The following LNPEP variants were observed in gnomAD, a reference collection of about 807,000 sequenced individuals.
The protein encoded by LNPEP is leucyl-cystinyl aminopeptidase.
A neutral mutation model predicts 120.6 loss-of-function variants in LNPEP; 64 were observed. The ratio of observed to expected loss-of-function variants is 0.53; its 90% CI spans 0.43 to 0.65. The LOEUF is 0.65. Among genes scored for constraint, LNPEP ranks in the 30% least tolerant of loss-of-function variants. LNPEP has a pLI of 0.00. For missense variants in LNPEP, 1,057 were observed against 1,200.0 expected (o/e 0.88, Z 1.76); for synonymous variants, 435 against 425.4 (o/e 1.02, Z -0.28).
rs1313657389 is a variant in LNPEP, at chr5:96,978,200, A to C, written c.20-938A>C. Among the ~76,000 whole-genome samples the C allele has an allele frequency of 2.6e-5, 4 of 152,226 alleles. No individual in the cohort carries two copies. The East Asian group carries it at 7.7e-4, about 29-fold the overall frequency. On this transcript the variant is annotated intron_variant, in intron 1 of 17. Transcript: ENST00000231368. ...AACATTGAACGATCTAATCCTAGGA[A>C]GTACTGATATATGGGGGATTATCGA...
At position 96,960,160 on chromosome 5, in the gene LNPEP, A is replaced by G. The variant is rs1002973773; in HGVS notation, c.20-18978A>G. Among the ~76,000 whole-genome samples the G allele has an allele frequency of 2.0e-5, 3 of 151,088 alleles. 1 individual carries two copies. In the South Asian group the frequency reaches 6.3e-4, roughly 32 times the overall value. On this transcript the variant is annotated intron_variant, in intron 1 of 17. Transcript: ENST00000231368. ...ACCATGTTGGCCAGGCTGGTCTCGA[A>G]CTCCTGACCTCAGGTGATCCACCTG...
Position 97,003,207 on chromosome 5 carries a change from A to C in LNPEP, c.1654-208A>C, listed in dbSNP as rs558631089. 2.0e-5 allele frequency among the ~76,000 whole-genome samples: 3 copies of C among 152,346 alleles called. No individual in the cohort carries two copies. In the South Asian group the frequency reaches 6.2e-4, roughly 32 times the overall value. The stretch of plus-strand genomic sequence containing the variant: ...TAGTGCACATGGGAATCTACTCATT[A>C]ATTCTTTTTCAAATCCTTTAAAATA... On this transcript the variant is annotated intron_variant, in intron 8 of 17. Transcript: ENST00000231368.
chr5:96,958,258 T>G (rs1000634316), intron 1 of LNPEP, among the ~76,000 whole-genome samples: 1 of 152,196 alleles, frequency 6.6e-6, no homozygotes, highest in African/African-American at 2.4e-5. Context: ...GACTTTCAAT[T>G]TTTTTCCCCA....
intron 16 of LNPEP, among the ~76,000 whole-genome samples, chr5:97,027,449 TTC>T (rs995754276): frequency 5.9e-5 from 9 of 152,182 alleles, no homozygotes; most frequent in Admixed American, 4.6e-4. Context: ...TTTTGCTTCT[TTC>T]TCTCTTTTAA....
At chr5:96,937,790 A>G (rs1561423556) in intron 1 of LNPEP, 2 of 152,252 alleles carry the variant, frequency 1.3e-5, no homozygotes, top group Non-Finnish European at 2.9e-5. Context: ...TTTCTCTTAT[A>G]GAATATGCTT....
rs1284828792 is a variant in LNPEP at position 96,966,508 on chromosome 5, T to TTTTGTG, written c.20-12629_20-12628insTTGTGT. Among the ~76,000 whole-genome samples, 210 of 133,460 alleles carry TTTTGTG rather than the reference T, an allele frequency of 1.6e-3. 1 individual carries two copies. The highest frequency in any genetic ancestry group is 5.4e-3 in the African/African-American group (193 of 35,512). The allele number at this position is 133,460 out of a possible 152,430, so 87.6% of individuals were successfully genotyped here. ...GAGTGAGACTCTGTCTTACATATAT[T>TTTTGTG]TGTGTGTGTGTGTGTGTGTGTGTGT... On this transcript the variant is annotated intron_variant, in intron 1 of 17. Transcript: ENST00000231368.
Position 97,023,403 on chromosome 5 carries a change from G to A in LNPEP, c.2561+919G>A, listed in dbSNP as rs181812811. Among the ~76,000 whole-genome samples the A allele has an allele frequency of 3.0e-3, 449 of 152,022 alleles. 4 individuals are homozygous for A. Among genetic ancestry groups the A allele is most frequent in the Non-Finnish European group, 3.5e-3 (238 of 67,964 alleles). On this transcript the variant is annotated intron_variant, in intron 14 of 17. Transcript: ENST00000231368. Reference sequence around the variant, plus strand: ...GGAGTAGCTGGGATTACAGGCATCCGCCACCACACCTGGCTAATTTTTGTA... The same window carrying A: ...GGAGTAGCTGGGATTACAGGCATCCACCACCACACCTGGCTAATTTTTGTA...
intron 11 of LNPEP, among the ~76,000 whole-genome samples, chr5:97,009,453 G>T (rs902106698): frequency 6.6e-6 from 1 of 152,086 alleles, no homozygotes; most frequent in African/African-American, 2.4e-5. Context: ...TAATGAATTA[G>T]TAAATTTTAG....
Position 96,979,890 on chromosome 5 carries a change from A to T in LNPEP, c.772A>T (p.Thr258Ser). Reference sequence around the variant, plus strand: ...AGCCCTTCTAGCAGGGCACAATTATACGTTGAAGATAGAGTACTCGGCAAA... The same window carrying T: ...AGCCCTTCTAGCAGGGCACAATTATTCGTTGAAGATAGAGTACTCGGCAAA... ...PEALLAGHNY[T>S]LKIEYSANIS... The change falls in exon 2 of 18, where the codon ACG (threonine) becomes TCG (serine). Residue 258 changes from threonine to serine, a missense_variant. Coordinates refer to ENST00000231368, the MANE Select transcript of LNPEP (RefSeq NM_005575.3). 1.2e-6 allele frequency: 2 copies of T among 1,613,882 alleles called. No homozygotes were observed. The highest frequency in any genetic ancestry group is 1.7e-6 in the Non-Finnish European group (2 of 1,179,842).
At chr5:97,016,404 A>G (rs1791072004) in intron 13 of LNPEP, among the ~76,000 whole-genome samples, 1 of 152,130 alleles carries the variant, frequency 6.6e-6, no homozygotes, top group Non-Finnish European at 1.5e-5. Context: ...TTTAATTATC[A>G]CACAGTGCCA....
intron 1 of LNPEP, among the ~76,000 whole-genome samples, chr5:96,971,877 T>C (rs1230441159): frequency 6.6e-6 from 1 of 152,078 alleles, no homozygotes; most frequent in Non-Finnish European, 1.5e-5. Flanking sequence ...ATAAAACACG[T>C]CTTCTTCAGG....
chr5:96,989,320 TAA>T, intron 4 of LNPEP, among the ~76,000 whole-genome samples: 1 of 21,756 alleles, frequency 4.6e-5, no homozygotes, highest in Non-Finnish European at 8.3e-5. Flanking sequence ...ATATTATATA[TAA>T]TATATAATTA....
At chr5:97,019,632 A>T (rs1791144292) in intron 13 of LNPEP, among the ~76,000 whole-genome samples, 1 of 152,064 alleles carries the variant, frequency 6.6e-6, no homozygotes, top group African/African-American at 2.4e-5. Flanking sequence ...CAAGTGTCAG[A>T]TTTCCTTTGC....
intron 2 of LNPEP, among the ~76,000 whole-genome samples, chr5:96,980,643 T>C (rs1790100152): frequency 6.6e-6 from 1 of 152,200 alleles, no homozygotes; most frequent in African/African-American, 2.4e-5. Context: ...TCTGGGAAGA[T>C]GGAGTTCACA....
chr5:96,979,509 C>T lies in LNPEP; in HGVS notation c.391C>T (p.Leu131=), dbSNP rs148185715. Residue 131 remains leucine, a synonymous_variant, in exon 2 of 18, where the codon CTG becomes TTG. Coordinates refer to ENST00000231368, the MANE Select transcript of LNPEP (RefSeq NM_005575.3). Reference sequence around the variant, plus strand: ...TTCTGTAATCATGGTGATTTACTTACTGCCCAGATGTACCTTTACCAAAGA... The same window carrying T: ...TTCTGTAATCATGGTGATTTACTTATTGCCCAGATGTACCTTTACCAAAGA... ...AVSVIMVIYL[L]PRCTFTKEGC... The T allele has an allele frequency of 1.2e-6, 2 of 1,614,084 alleles. No homozygotes were observed. The highest frequency in any genetic ancestry group is 2.2e-5 in the East Asian group (1 of 44,888).
chr5:96,986,345 T>C (rs530376447), intron 3 of LNPEP, among the ~76,000 whole-genome samples, 194 bp from the exon 4 acceptor site: 3 of 152,354 alleles, frequency 2.0e-5, no homozygotes, highest in Admixed American at 6.5e-5. Context: ...GTGCTCCATA[T>C]GTCCTCAGGA....
intron 1 of LNPEP, among the ~76,000 whole-genome samples, chr5:96,968,350 C>G (rs577318969): frequency 3.4e-4 from 51 of 152,168 alleles, no homozygotes; most frequent in Middle Eastern, 6.8e-3. Flanking sequence ...ACTGGATAAT[C>G]CCCCAAGTTG....
chr5:97,028,557 G>T lies in LNPEP; in HGVS notation c.*24G>T. 1.9e-6 allele frequency: 3 copies of T among 1,611,228 alleles called. No individual in the cohort carries two copies. Among genetic ancestry groups the T allele is most frequent in the Non-Finnish European group, 2.5e-6 (3 of 1,178,536 alleles). On this transcript the variant is annotated 3_prime_UTR_variant, in exon 18 of 18. Transcript: ENST00000231368. ...AGCATGCACAACCGCACCTCATTTT[G>T]TTGCCCATTCAGAGAGCTTGTAAGC...
chr5:96,951,145 A>T (rs1451131468), intron 1 of LNPEP, among the ~76,000 whole-genome samples: 1 of 152,072 alleles, frequency 6.6e-6, no homozygotes, highest in African/African-American at 2.4e-5. Context: ...TATCAAGGAC[A>T]CCAATCCTAT....
Sources: allele counts gnomAD v4.1 joint callset (sites outside exome capture counted in the v4.1 genomes callset), GRCh38; gene constraint gnomAD v4.1.1; transcripts MANE v1.5; gene names NCBI Gene and HGNC (gene_info 2026-07-23, HGNC 2026-07-21).